Variants in CACNA1C observed in about 807,000 individuals in gnomAD.
CACNA1C encodes the protein calcium voltage-gated channel subunit alpha1 C.
CACNA1C carries 30 observed loss-of-function variants against 229.0 expected under a neutral mutation model. That is an observed-to-expected ratio of 0.13 (90% CI 0.10 to 0.18). The LOEUF (loss-of-function observed/expected upper bound fraction) is 0.18. Ranked by LOEUF, CACNA1C falls within the 10% of genes least tolerant of loss-of-function variation. CACNA1C has a pLI of 1.00. For missense variants in CACNA1C, 1,658 were observed against 2,845.0 expected, an observed-to-expected ratio of 0.58 and a Z score of 9.49; for synonymous variants, 1,114 against 1,132.5, an observed-to-expected ratio of 0.98 and a Z score of 0.33.
At chr12:2,345,516 A>T (rs1322442576) in intron 3 of CACNA1C, among the ~76,000 whole-genome samples, 1 of 152,188 alleles carries the variant, frequency 6.6e-6, no homozygotes. Context: ...AATAACCCGG[A>T]AGTTAGATTT....
At chr12:2,438,633 G>C (rs1368040773) in intron 3 of CACNA1C, among the ~76,000 whole-genome samples, 1 of 152,030 alleles carries the variant, frequency 6.6e-6, no homozygotes, top group Non-Finnish European at 1.5e-5. Context: ...AATGTGGCTG[G>C]GGAACGGGGA....
intron 7 of CACNA1C, among the ~76,000 whole-genome samples, chr12:2,501,236 T>TAAAAAAAAAAAAAAAAAA (rs2099759477): frequency 1.3e-4 from 11 of 87,852 alleles, no homozygotes; most frequent in Non-Finnish European, 2.0e-4. Context: ...AAAAAAAAAG[T>TAAAAAAAAAAAAAAAAAA]AAAGCAATAC....
intron 9 of CACNA1C, among the ~76,000 whole-genome samples, chr12:2,515,488 C>T (rs898362351): frequency 3.9e-5 from 6 of 152,232 alleles, no homozygotes; most frequent in African/African-American, 1.4e-4. Flanking sequence ...ACCGTAATAT[C>T]TTAGCCTTTG....
intron 27 of CACNA1C, among the ~76,000 whole-genome samples, chr12:2,609,304 G>A (rs2076610228): frequency 6.6e-6 from 1 of 152,040 alleles, no homozygotes; most frequent in Admixed American, 6.6e-5. Flanking sequence ...AGTGCCTCAG[G>A]TCTGTTCCCT....
chr12:2,239,760 A>G (rs2069069626), intron 3 of CACNA1C, among the ~76,000 whole-genome samples: 1 of 152,084 alleles, frequency 6.6e-6, no homozygotes, highest in Non-Finnish European at 1.5e-5. Flanking sequence ...CCCGGCTACC[A>G]TTCCCTAAGG....
intron 3 of CACNA1C, among the ~76,000 whole-genome samples, chr12:2,295,504 T>G (rs1358010485): frequency 1.1e-4 from 17 of 152,188 alleles, no homozygotes. Flanking sequence ...TTCTTGTACT[T>G]CCTTTAGTCC....
At chr12:2,249,772 CTTT>C (rs369050599) in intron 3 of CACNA1C, among the ~76,000 whole-genome samples, 7 of 138,786 alleles carry the variant, frequency 5.0e-5, no homozygotes, top group Admixed American at 1.4e-4. Flanking sequence ...TGCCTTCTCT[CTTT>C]TTTTTTTTTT....
chr12:2,590,737 G>A (rs914797348), intron 18 of CACNA1C, among the ~76,000 whole-genome samples: 2 of 152,156 alleles, frequency 1.3e-5, no homozygotes, highest in East Asian at 1.9e-4. Context: ...TAGGAAGTTC[G>A]AATGGCACAA....
rs1251360592 is a variant in CACNA1C at position 2,647,565 on chromosome 12, C to T, written c.3913-910C>T. Among the ~76,000 whole-genome samples the T allele has an allele frequency of 6.6e-6, 1 of 152,222 alleles. No homozygotes were observed. Among genetic ancestry groups the T allele is most frequent in the Non-Finnish European group, 1.5e-5 (1 of 68,040 alleles). ...CCTATAGACCAACAGCTAAGCAAGG[C>T]CATCTCCTGCCTGAGCCTGAGCTTT... On this transcript the variant is annotated intron_variant, in intron 30 of 46. Transcript: ENST00000399655. The surrounding 1 kb of genome is among the most constrained non-coding windows in gnomAD (Gnocchi z 4.2).
chr12:2,053,827 C>T lies in CACNA1C; in HGVS notation c.49+216C>T, dbSNP rs1380496445. 6.7e-6 allele frequency among the ~76,000 whole-genome samples: 1 copy of T among 150,338 alleles called. No individual in the cohort carries two copies. Among genetic ancestry groups the T allele is most frequent in the Non-Finnish European group, 1.5e-5 (1 of 67,460 alleles). On this transcript the variant is annotated intron_variant, in intron 1 of 46. Transcript: ENST00000399655. The surrounding 1 kb of genome is among the most constrained non-coding windows in gnomAD (Gnocchi z 5.8). ...ACGGAGCGGAAAATTCCCGCCCCTC[C>T]CCCTCCGGGCCCCAGCTTCTCCAGA...
chr12:2,485,275 C>T (rs368259440), intron 5 of CACNA1C, among the ~76,000 whole-genome samples: 13 of 152,164 alleles, frequency 8.5e-5, no homozygotes, highest in African/African-American at 3.1e-4. Context: ...CTCACCTGGG[C>T]AGGAATCTCA....
intron 3 of CACNA1C, among the ~76,000 whole-genome samples, chr12:2,309,071 G>A (rs909498736): frequency 1.3e-5 from 2 of 152,182 alleles, no homozygotes; most frequent in African/African-American, 2.4e-5. Context: ...ATTCACAATA[G>A]CCAAGATATT....
At position 2,031,124 on chromosome 12, in the gene CACNA1C, A is replaced by G. The variant is rs191885284; in HGVS notation, c.139+59923A>G. On this transcript the variant is annotated intron_variant, in intron 1 of 46. Transcript: ENST00000682462. ...CTGACAATAGATTTTGTTCTTTTGT[A>G]GTAAAGGCACCCAGAGACTTGCTGC... Among the ~76,000 whole-genome samples the G allele has an allele frequency of 3.9e-5, 6 of 152,322 alleles. No individual in the cohort carries two copies. The South Asian group carries it at 1.0e-3, about 26-fold the overall frequency.
chr12:2,099,749 C>G (rs1595817247), intron 1 of CACNA1C, among the ~76,000 whole-genome samples: 1 of 152,094 alleles, frequency 6.6e-6, no homozygotes, highest in Non-Finnish European at 1.5e-5. Flanking sequence ...CGGACAGTCC[C>G]ACTCTGGAAG....
At chr12:1,998,070 CTT>C in intron 1 of CACNA1C, 1 of 1,052,388 alleles carries the variant, frequency 9.5e-7, no homozygotes, top group Admixed American at 2.6e-5. Context: ...TTATATATAA[CTT>C]CAATGGGCCA....
chr12:2,545,212 A>ATTTTTTT (rs56971243), intron 9 of CACNA1C, among the ~76,000 whole-genome samples: 5 of 131,650 alleles, frequency 3.8e-5, no homozygotes, highest in Non-Finnish European at 7.8e-5. Context: ...CAAAACAATG[A>ATTTTTTT]TTTTTTTTTT....
intron 3 of CACNA1C, among the ~76,000 whole-genome samples, chr12:2,310,106 C>A (rs2095338715): frequency 1.3e-5 from 2 of 152,192 alleles, no homozygotes; most frequent in Admixed American, 1.3e-4. Context: ...AAGCGGAACA[C>A]TTGCCATACA....
At chr12:2,146,992 CAT>C (rs2094773515) in intron 3 of CACNA1C, among the ~76,000 whole-genome samples, 1 of 150,916 alleles carries the variant, frequency 6.6e-6, no homozygotes, top group Non-Finnish European at 1.5e-5. Flanking sequence ...AGAGGACAGA[CAT>C]ATCCTCCCTG....
chr12:2,198,343 T>C (rs2097480095), intron 3 of CACNA1C, among the ~76,000 whole-genome samples: 2 of 152,156 alleles, frequency 1.3e-5, no homozygotes, highest in South Asian at 2.1e-4. Flanking sequence ...GAGGCTGCTG[T>C]TGGCGGCCAG....
Sources: gnomAD v4.1 joint callset for allele counts (sites outside exome capture counted in the v4.1 genomes callset) on GRCh38, gnomAD v4.1.1 for gene constraint, Gnocchi (gnomAD v3.1) non-coding constraint, MANE v1.5 for transcripts, NCBI Gene and HGNC (gene_info 2026-07-23, HGNC 2026-07-21) for gene names.